Variants in LRRC7 observed in about 807,000 individuals in gnomAD.
LRRC7 encodes the protein leucine rich repeat containing 7, also known as leucine-rich repeat-containing protein 7.
A neutral mutation model predicts 175.7 loss-of-function variants in LRRC7; 23 were observed. That is an observed-to-expected ratio of 0.13 (90% CI 0.09 to 0.19). LRRC7 has a LOEUF of 0.19. Among genes scored for constraint, LRRC7 ranks in the 10% least tolerant of loss-of-function variants. LRRC7 has a pLI of 1.00. For missense variants in LRRC7, 1,354 were observed against 1,904.7 expected (o/e 0.71, Z 5.38); for synonymous variants, 685 against 680.9 (o/e 1.01, Z -0.09).
chr1:70,084,172 AT>A (rs1452813779), intron 24 of LRRC7, among the ~76,000 whole-genome samples: 1 of 152,058 alleles, frequency 6.6e-6, no homozygotes, highest in Non-Finnish European at 1.5e-5. Context: ...TATTGATATA[AT>A]TTATATACAG....
At position 70,135,265 on chromosome 1, in the gene LRRC7, C is replaced by G. The variant is rs1459355753; in HGVS notation, c.*13378C>G. Among the ~76,000 whole-genome samples the G allele has an allele frequency of 2.0e-5, 3 of 152,120 alleles. No homozygotes were observed. In the East Asian group the frequency reaches 5.8e-4, roughly 29 times the overall value. ...TTGCTATCCAGCCACTAGCATAGTT[C>G]CCCAGGAGCAGGCTATGATCATCTC... On this transcript the variant is annotated 3_prime_UTR_variant, in exon 27 of 27. Coordinates refer to ENST00000651989, the MANE Select transcript of LRRC7 (RefSeq NM_001370785.2).
rs570206924 is a variant in LRRC7, at chr1:70,119,181, G to A, written c.4621-2599G>A. Among the ~76,000 whole-genome samples the A allele has an allele frequency of 1.9e-4, 29 of 151,954 alleles. 1 individual carries two copies. The South Asian group carries it at 5.8e-3, about 31-fold the overall frequency. ...ATACTGAGGGCTCGAGGAGACTCTA[G>A]GAATGAGACAAGACAAGGACTGTGG... On this transcript the variant is annotated intron_variant, in intron 26 of 26. Coordinates refer to ENST00000651989, the MANE Select transcript of LRRC7 (RefSeq NM_001370785.2).
At chr1:69,888,460 T>A (rs559831258) in intron 7 of LRRC7, among the ~76,000 whole-genome samples, 3 of 152,286 alleles carry the variant, frequency 2.0e-5, no homozygotes, top group African/African-American at 7.2e-5. Flanking sequence ...AGGCAATGCC[T>A]CGCCCTGCTT....
chr1:69,898,891 A>G (rs1301401037), intron 7 of LRRC7, among the ~76,000 whole-genome samples: 1 of 152,362 alleles, frequency 6.6e-6, no homozygotes, highest in African/African-American at 2.4e-5. Flanking sequence ...TTAGTTAACA[A>G]CATTAGGTTT....
chr1:69,578,792 T>G, intron 1 of LRRC7, among the ~76,000 whole-genome samples: 1 of 74,624 alleles, frequency 1.3e-5, no homozygotes, highest in African/African-American at 5.5e-5. Context: ...GGGACTGTTG[T>G]GGGGTGGGGG....
At chr1:69,801,895 G>T (rs905808186) in intron 4 of LRRC7, among the ~76,000 whole-genome samples, 1 of 148,544 alleles carries the variant, frequency 6.7e-6, no homozygotes, top group Non-Finnish European at 1.5e-5. Flanking sequence ...ACTGTATTCC[G>T]TAAGTTTTGG....
At chr1:69,854,132 T>C (rs1683316121) in intron 7 of LRRC7, among the ~76,000 whole-genome samples, 1 of 152,196 alleles carries the variant, frequency 6.6e-6, no homozygotes, top group East Asian at 1.9e-4. Flanking sequence ...TTCCATCATA[T>C]TTTTCCATCT....
rs1259733913 is a variant in LRRC7, at chr1:70,141,702, A to AAGTT, written c.*19818_*19821dup. On this transcript the variant is annotated 3_prime_UTR_variant, in exon 27 of 27. Coordinates refer to ENST00000651989, the MANE Select transcript of LRRC7 (RefSeq NM_001370785.2). Reference sequence around the variant, plus strand: ...GATACTTAAGTACACTGAAGTTTTAAAGTTAGCTGCTTATATTGTACAAAG... The same window carrying AAGTT: ...GATACTTAAGTACACTGAAGTTTTAAAGTTAGTTAGCTGCTTATATTGTACAAAG... The AAGTT allele has an allele frequency of 2.6e-5, 4 of 152,108 alleles. No homozygotes were observed. The highest frequency in any genetic ancestry group is 6.6e-5 in the Admixed American group (1 of 15,260). 9.4% of individuals were successfully genotyped at this position (152,108 alleles called of 1,614,324 possible).
rs1364538045 is a variant in LRRC7 at position 70,128,193 on chromosome 1, C to T, written c.*6306C>T. Among the ~76,000 whole-genome samples the T allele has an allele frequency of 3.3e-5, 5 of 152,134 alleles. No individual in the cohort carries two copies. Among genetic ancestry groups the T allele is most frequent in the Non-Finnish European group, 7.4e-5 (5 of 68,018 alleles). ...GCCAGGCTGGTCTCGAACACCTGGC[C>T]TCAAAAGATCCACCTGCCTCGACCT... On this transcript the variant is annotated 3_prime_UTR_variant, in exon 27 of 27. Coordinates refer to ENST00000651989, the MANE Select transcript of LRRC7 (RefSeq NM_001370785.2).
At chr1:70,017,794 T>C (rs1657094608) in intron 14 of LRRC7, among the ~76,000 whole-genome samples, 1 of 152,120 alleles carries the variant, frequency 6.6e-6, no homozygotes, top group Admixed American at 6.5e-5. Context: ...ATCAATAAAC[T>C]ATAGATTTTT....
At chr1:69,851,256 A>T (rs1204385904) in intron 7 of LRRC7, among the ~76,000 whole-genome samples, 1 of 152,164 alleles carries the variant, frequency 6.6e-6, no homozygotes, top group African/African-American at 2.4e-5. Context: ...TTGAGGAGAA[A>T]ATAGGGATTA....
At chr1:69,684,113 A>T (rs924677769) in intron 2 of LRRC7, among the ~76,000 whole-genome samples, 6 of 152,164 alleles carry the variant, frequency 3.9e-5, no homozygotes, top group African/African-American at 1.4e-4. Context: ...GATGTACTGT[A>T]TAAAAATCAG....
chr1:70,095,575 T>G (rs929621843), intron 25 of LRRC7, among the ~76,000 whole-genome samples: 1 of 152,190 alleles, frequency 6.6e-6, no homozygotes, highest in African/African-American at 2.4e-5. Context: ...ACCAAGCTTT[T>G]TTTAAAAGGT....
At chr1:69,906,752 T>G (rs1307318566) in intron 7 of LRRC7, among the ~76,000 whole-genome samples, 1 of 152,196 alleles carries the variant, frequency 6.6e-6, no homozygotes, top group Non-Finnish European at 1.5e-5. Context: ...GGCTCTTTTT[T>G]GGTTCCATAT....
intron 2 of LRRC7, among the ~76,000 whole-genome samples, chr1:69,724,038 G>A (rs532033765): frequency 6.6e-6 from 1 of 152,268 alleles, no homozygotes; most frequent in South Asian, 2.1e-4. Context: ...GGAAGCAGTG[G>A]TTAAAACCAC....
chr1:69,741,731 ACT>A (rs1470846708), intron 2 of LRRC7, among the ~76,000 whole-genome samples: 1 of 151,754 alleles, frequency 6.6e-6, no homozygotes, highest in African/African-American at 2.4e-5. Flanking sequence ...GCTGATTATG[ACT>A]CTAATTTAGT....
At chr1:69,871,555 AAT>A (rs1353589693) in intron 7 of LRRC7, among the ~76,000 whole-genome samples, 1 of 152,034 alleles carries the variant, frequency 6.6e-6, no homozygotes, top group Non-Finnish European at 1.5e-5. Context: ...AAAATATAAA[AAT>A]ATAATATTCT....
chr1:69,863,794 A>C (rs919743237), intron 7 of LRRC7, among the ~76,000 whole-genome samples: 2 of 151,988 alleles, frequency 1.3e-5, no homozygotes, highest in African/African-American at 4.8e-5. Context: ...ACTCTGCCAC[A>C]CTCCACTCTG....
chr1:69,838,165 C>T, intron 6 of LRRC7, 62 bp from the exon 7 acceptor site: 2 of 1,153,252 alleles, frequency 1.7e-6, no homozygotes, highest in African/African-American at 1.5e-5. Context: ...AATACTAGAT[C>T]TTATTCAATA....
Sources: allele counts gnomAD v4.1 joint callset (sites outside exome capture counted in the v4.1 genomes callset), GRCh38; gene constraint gnomAD v4.1.1; transcripts MANE v1.5; gene names NCBI Gene and HGNC (gene_info 2026-07-23, HGNC 2026-07-21).